CACNB4: variants seen among roughly 807,000 people sequenced by gnomAD.
CACNB4 encodes the protein calcium voltage-gated channel auxiliary subunit beta 4.
In CACNB4, 32 loss-of-function variants were observed where a neutral mutation model predicts 71.2. The observed-to-expected ratio is 0.45, with a 90% CI of 0.34 to 0.60. The LOEUF is 0.60. CACNB4 is among the 20% of genes least tolerant of loss of function. The probability of loss-of-function intolerance (pLI) is 0.01; values close to 1 mark genes in which losing one functional copy is unlikely to be tolerated. For synonymous variants in CACNB4, 231 were observed against 236.9 expected (o/e 0.97, Z 0.23); for missense variants, 464 against 647.9 (o/e 0.72, Z 3.08).
At chr2:151,846,651 C>T (rs1472040816) in intron 12 of CACNB4, among the ~76,000 whole-genome samples, 3 of 152,078 alleles carry the variant, frequency 2.0e-5, no homozygotes, top group East Asian at 1.9e-4. Context: ...CTCTGGGGCT[C>T]GGGTGATTGT....
chr2:152,041,030 C>T (rs552363357), intron 2 of CACNB4, among the ~76,000 whole-genome samples: 2 of 152,340 alleles, frequency 1.3e-5, no homozygotes, highest in South Asian at 2.1e-4. Context: ...CGCCTGACCT[C>T]AGCCTTTTGG....
chr2:151,938,003 C>T (rs1578876401), intron 2 of CACNB4, among the ~76,000 whole-genome samples: 1 of 152,312 alleles, frequency 6.6e-6, no homozygotes, highest in East Asian at 1.9e-4. Flanking sequence ...ATCTGCCTCC[C>T]TAAGACTTCT....
intron 2 of CACNB4, among the ~76,000 whole-genome samples, chr2:152,071,385 G>T (rs925315306): frequency 6.6e-6 from 1 of 152,148 alleles, no homozygotes; most frequent in Non-Finnish European, 1.5e-5. Flanking sequence ...AGTTACAGAA[G>T]ATCTGGCAAA....
chr2:151,943,586 G>A (rs2099864802), intron 2 of CACNB4, among the ~76,000 whole-genome samples: 2 of 152,248 alleles, frequency 1.3e-5, no homozygotes, highest in South Asian at 4.1e-4. Flanking sequence ...AATATTCATT[G>A]AAAGGGAATG....
In CACNB4 at chr2:152,098,523, T is replaced by A; in HGVS notation, c.64-110A>T. ...TCCGGACCCGCTCCCTGGGGTCCCC[T>A]AGAGCCCGCACCCAAGTCTCCTCCG... On this transcript the variant is annotated intron_variant, in intron 1 of 13. Transcript: ENST00000539935. This position sits in a 1 kb window ranked among gnomAD's most constrained non-coding sequence, Gnocchi z 5.3. 7.3e-7 allele frequency: 1 copy of A among 1,360,890 alleles called. No homozygotes were observed. The highest frequency in any genetic ancestry group is 1.0e-6 in the Non-Finnish European group (1 of 957,198). 84.3% of individuals were successfully genotyped at this position (1,360,890 alleles called of 1,614,324 possible).
chr2:152,011,271 T>C (rs1579123253), intron 2 of CACNB4, among the ~76,000 whole-genome samples: 1 of 152,142 alleles, frequency 6.6e-6, no homozygotes, highest in East Asian at 1.9e-4. Context: ...AACCCTCCAG[T>C]AACCCCCAGG....
chr2:152,038,398 T>C (rs1476504316), intron 2 of CACNB4, among the ~76,000 whole-genome samples: 2 of 152,148 alleles, frequency 1.3e-5, no homozygotes, highest in African/African-American at 4.8e-5. Flanking sequence ...CAGCTTCTAC[T>C]GACAGACAAG....
chr2:151,849,871 G>A (rs1465284329), intron 12 of CACNB4, among the ~76,000 whole-genome samples: 2 of 152,164 alleles, frequency 1.3e-5, no homozygotes, highest in African/African-American at 4.8e-5. Flanking sequence ...GGCAAGTTCA[G>A]TTTGCCAGCT....
rs561131041 is a variant in CACNB4, at chr2:152,071,949, T to C, written c.147+26381A>G. Among the ~76,000 whole-genome samples, 5 of 152,358 alleles carry C rather than the reference T, an allele frequency of 3.3e-5. No homozygotes were observed. In the East Asian group the frequency reaches 9.6e-4, roughly 29 times the overall value. On this transcript the variant is annotated intron_variant, in intron 2 of 13. Coordinates refer to ENST00000539935, the MANE Select transcript of CACNB4 (RefSeq NM_000726.5). Reference sequence around the variant, plus strand: ...GGTAGAGGTGATTTAATTTCATTCATTCATCCATTCATTCATTTATTCCAT... The same window carrying C: ...GGTAGAGGTGATTTAATTTCATTCACTCATCCATTCATTCATTTATTCCAT...
intron 4 of CACNB4, among the ~76,000 whole-genome samples, chr2:151,877,422 C>A (rs1350641245): frequency 3.3e-5 from 5 of 152,152 alleles, no homozygotes; most frequent in Non-Finnish European, 5.9e-5. Flanking sequence ...CCTTTGGATT[C>A]TTTTGGTCTT....
At chr2:151,944,724 G>A (rs775731753) in intron 2 of CACNB4, among the ~76,000 whole-genome samples, 44 of 152,258 alleles carry the variant, frequency 2.9e-4, no homozygotes, top group East Asian at 3.9e-4. Flanking sequence ...CCCGGCACAC[G>A]GAGGTTGCAG....
chr2:152,046,044 T>C (rs1685127690), intron 2 of CACNB4, among the ~76,000 whole-genome samples: 1 of 152,148 alleles, frequency 6.6e-6, no homozygotes, highest in Admixed American at 6.5e-5. Flanking sequence ...ACCTCTATTA[T>C]AATAAGAGAA....
chr2:152,077,808 G>A (rs1355692926), intron 2 of CACNB4, among the ~76,000 whole-genome samples: 1 of 152,120 alleles, frequency 6.6e-6, no homozygotes, highest in Non-Finnish European at 1.5e-5. Context: ...AAGTAAGAGA[G>A]TCTGACAGGA....
intron 2 of CACNB4, among the ~76,000 whole-genome samples, chr2:152,014,216 G>A (rs540338935): frequency 2.1e-4 from 32 of 149,200 alleles, no homozygotes; most frequent in African/African-American, 7.6e-4. Flanking sequence ...GCATGGTGAC[G>A]GACACCTGTA....
chr2:152,042,457 T>C (rs1383352278), intron 2 of CACNB4, among the ~76,000 whole-genome samples: 1 of 152,100 alleles, frequency 6.6e-6, no homozygotes, highest in Non-Finnish European at 1.5e-5. Context: ...GATCCCTGAG[T>C]GAGTCCTACA....
At chr2:152,032,783 C>CA (rs397978399) in intron 2 of CACNB4, among the ~76,000 whole-genome samples, 1 of 151,780 alleles carries the variant, frequency 6.6e-6, no homozygotes, top group African/African-American at 2.4e-5. Context: ...TGAGACCCCC[C>CA]ATCTCTACAA....
chr2:151,857,131 C>G (rs1559874981), intron 10 of CACNB4: 1 of 152,064 alleles, frequency 6.6e-6, no homozygotes, highest in Non-Finnish European at 1.5e-5. Context: ...CATAGCCCAC[C>G]AAAAAATTCT....
intron 2 of CACNB4, among the ~76,000 whole-genome samples, chr2:151,987,216 G>C (rs922998739): frequency 6.6e-6 from 1 of 152,182 alleles, no homozygotes; most frequent in Non-Finnish European, 1.5e-5. Context: ...CAACCACCTT[G>C]AGCTCTTGGT....
In CACNB4 at chr2:151,957,257, C is replaced by CGTGTGTGTGTGTGT. The variant is rs1553791572; in HGVS notation, c.148-73901_148-73888dup. Among the ~76,000 whole-genome samples, 361 of 131,850 alleles carry CGTGTGTGTGTGTGT rather than the reference C, an allele frequency of 2.7e-3. 6 individuals are homozygous for CGTGTGTGTGTGTGT. Among genetic ancestry groups the CGTGTGTGTGTGTGT allele is most frequent in the Middle Eastern group, 4.3e-3 (1 of 230 alleles). The allele number at this position is 131,850 out of a possible 152,430, so 86.5% of individuals were successfully genotyped here. A position where few individuals can be genotyped will look rare whatever the true frequency, so the allele number is the denominator to read the frequency against. ...AGAAAAAAAAAGTAGAGTGGCTGGG[C>CGTGTGTGTGTGTGT]GTGTGTGTGTGTGTGTGTGTGTGTG... On this transcript the variant is annotated intron_variant, in intron 2 of 13. Transcript: ENST00000539935.
Sources: allele counts gnomAD v4.1 joint callset (sites outside exome capture counted in the v4.1 genomes callset), GRCh38; gene constraint gnomAD v4.1.1; non-coding constraint Gnocchi (gnomAD v3.1); transcripts MANE v1.5; gene names NCBI Gene and HGNC (gene_info 2026-07-23, HGNC 2026-07-21).